NARS2: variants seen among roughly 807,000 people sequenced by gnomAD.
NARS2 encodes asparaginyl-tRNA synthetase 2, mitochondrial, also known as asparaginyl-tRNA synthetase.
A neutral mutation model predicts 62.9 loss-of-function variants in NARS2; 60 were observed. The ratio of observed to expected loss-of-function variants is 0.95; its 90% confidence interval spans 0.77 to 1.18. The LOEUF (loss-of-function observed/expected upper bound fraction) is 1.18. Among genes scored for constraint, NARS2 ranks in the 50% most tolerant of loss-of-function variants. The pLI, the probability that NARS2 is intolerant of heterozygous loss-of-function variation, is 0.00. For missense variants in NARS2, 619 were observed against 576.4 expected, an observed-to-expected ratio of 1.07 and a Z score of -0.76; for synonymous variants, 196 against 200.0, an observed-to-expected ratio of 0.98 and a Z score of 0.17.
chr11:78,513,780 C>T (rs1253728426), intron 6 of NARS2, among the ~76,000 whole-genome samples: 1 of 152,130 alleles, frequency 6.6e-6, no homozygotes, highest in African/African-American at 2.4e-5. Flanking sequence ...TATAGTTGGG[C>T]TACCTGTCTC....
intron 11 of NARS2, among the ~76,000 whole-genome samples, chr11:78,464,933 C>T (rs1261875362): frequency 2.6e-5 from 4 of 152,272 alleles, no homozygotes; most frequent in African/African-American, 4.8e-5. Flanking sequence ...ACTGGGGCTG[C>T]AGGTGGACCT....
At chr11:78,515,526 ATTTCT>A (rs1190057361) in intron 6 of NARS2, among the ~76,000 whole-genome samples, 1 of 152,052 alleles carries the variant, frequency 6.6e-6, no homozygotes, top group Non-Finnish European at 1.5e-5. Flanking sequence ...GTTTACTTTT[ATTTCT>A]TTTAAGAGAC....
chr11:78,516,816 G>T (rs1860929107), intron 6 of NARS2, among the ~76,000 whole-genome samples: 1 of 152,068 alleles, frequency 6.6e-6, no homozygotes. Context: ...TCTTTATTTT[G>T]TATTAATAGT....
At chr11:78,540,409 G>C (rs1463402902) in intron 5 of NARS2, among the ~76,000 whole-genome samples, 2 of 152,206 alleles carry the variant, frequency 1.3e-5, no homozygotes, top group African/African-American at 2.4e-5. Flanking sequence ...CTGTCTCCAT[G>C]TAAAATATAT....
intron 5 of NARS2, among the ~76,000 whole-genome samples, chr11:78,530,735 G>A (rs748967610): frequency 6.6e-6 from 1 of 152,172 alleles, no homozygotes; most frequent in Non-Finnish European, 1.5e-5. Context: ...CCAAAGTGCT[G>A]AGATTACAGG....
chr11:78,509,779 A>T (rs1214821538), intron 6 of NARS2, among the ~76,000 whole-genome samples: 1 of 148,748 alleles, frequency 6.7e-6, no homozygotes, highest in Non-Finnish European at 1.5e-5. Context: ...GTAAGCTGGG[A>T]TCGTGCCACT....
chr11:78,510,500 AAC>A (rs1860680369), intron 6 of NARS2, among the ~76,000 whole-genome samples: 1 of 152,218 alleles, frequency 6.6e-6, no homozygotes, highest in African/African-American at 2.4e-5. Flanking sequence ...GAAGGGAAAA[AAC>A]AGTTTTACAA....
intron 2 of NARS2, among the ~76,000 whole-genome samples, chr11:78,570,311 G>A (rs931614391): frequency 1.3e-5 from 2 of 152,112 alleles, no homozygotes; most frequent in African/African-American, 4.8e-5. Context: ...ACAATCCCCG[G>A]AATAGCAAAG....
intron 10 of NARS2, among the ~76,000 whole-genome samples, chr11:78,467,694 T>C (rs1858681748): frequency 6.6e-6 from 1 of 152,138 alleles, no homozygotes; most frequent in Admixed American, 6.5e-5. Flanking sequence ...TCAAAGTGTA[T>C]ACACTTTCAG....
At chr11:78,537,491 G>A (rs1040263345) in intron 5 of NARS2, among the ~76,000 whole-genome samples, 1 of 152,170 alleles carries the variant, frequency 6.6e-6, no homozygotes, top group African/African-American at 2.4e-5. Flanking sequence ...TTCAGAATTA[G>A]ATGATAAAAC....
At chr11:78,529,226 G>A (rs1861397856) in intron 5 of NARS2, among the ~76,000 whole-genome samples, 1 of 152,072 alleles carries the variant, frequency 6.6e-6, no homozygotes, top group African/African-American at 2.4e-5. Flanking sequence ...TGATTAAGAG[G>A]CAATCTAAGG....
In NARS2 at chr11:78,574,805, C is replaced by G. The variant is rs1050750906; in HGVS notation, c.-317G>C. On this transcript the variant is annotated 5_prime_UTR_variant, in exon 1 of 14. Transcript: ENST00000281038. The stretch of plus-strand genomic sequence containing the variant: ...GTAAACCTACGAACAGAACCCGGGC[C>G]GCAACACGCGCAACCACTCCTACCA... 3.3e-6 allele frequency: 1 copy of G among 300,054 alleles called. No individual in the cohort carries two copies. Among genetic ancestry groups the G allele is most frequent in the South Asian group, 5.3e-5 (1 of 19,022 alleles). 18.6% of individuals were successfully genotyped at this position (300,054 alleles called of 1,614,324 possible).
chr11:78,547,412 A>C lies in NARS2; in HGVS notation c.594+12127T>G, dbSNP rs1267570485. On this transcript the variant is annotated intron_variant, in intron 5 of 13. Transcript: ENST00000281038. ...CATGTAACAGGAAAAAAAAATAGCC[A>C]ATGAATTCTCCATCAGTAAAAGAAT... Among the ~76,000 whole-genome samples, 3 of 152,364 alleles carry C rather than the reference A, an allele frequency of 2.0e-5. No individual in the cohort carries two copies. The East Asian group carries it at 5.8e-4, about 29-fold the overall frequency.
At chr11:78,563,851 A>AAAAAATATAT (rs1404770578) in intron 4 of NARS2, among the ~76,000 whole-genome samples, 3 of 34,024 alleles carry the variant, frequency 8.8e-5, no homozygotes, top group African/African-American at 2.8e-4. Flanking sequence ...AAAAAAAAAA[A>AAAAAATATAT]ATATATATAT....
intron 11 of NARS2, among the ~76,000 whole-genome samples, chr11:78,455,751 G>A (rs1399494347): frequency 6.6e-6 from 1 of 152,000 alleles, no homozygotes; most frequent in East Asian, 1.9e-4. Flanking sequence ...CATATATGCT[G>A]TATTTCTGCC....
intron 5 of NARS2, among the ~76,000 whole-genome samples, chr11:78,532,274 TTA>T (rs1396863958): frequency 2.0e-5 from 3 of 152,234 alleles, no homozygotes; most frequent in Admixed American, 1.3e-4. Context: ...ACTGATGAAT[TTA>T]TATATGTTAA....
chr11:78,485,281 T>C (rs924044942), intron 7 of NARS2, among the ~76,000 whole-genome samples: 2 of 151,882 alleles, frequency 1.3e-5, no homozygotes, highest in African/African-American at 2.4e-5. Flanking sequence ...AAATACCTAA[T>C]GCATGTGGGG....
chr11:78,574,213 C>T, intron 1 of NARS2, 135 bp downstream of exon 1: 1 of 1,107,458 alleles, frequency 9.0e-7, no homozygotes, highest in Middle Eastern at 2.1e-4. Context: ...AAAGTGCAAA[C>T]CCGCGACGCC....
rs578258724 is a variant in NARS2 at position 78,545,482 on chromosome 11, G to C, written c.594+14057C>G. 3.5e-4 allele frequency among the ~76,000 whole-genome samples: 53 copies of C among 149,804 alleles called. No homozygotes were observed. In the South Asian group the frequency reaches 0.011, roughly 31 times the overall value. ...TTCTGACTGAAATGTTCTTTCCCAGGTATCAACATTACTTACTCCCATATG... is the reference window on the plus strand; with the variant it reads ...TTCTGACTGAAATGTTCTTTCCCAGCTATCAACATTACTTACTCCCATATG... On this transcript the variant is annotated intron_variant, in intron 5 of 13. Transcript: ENST00000281038.
Sources: allele counts gnomAD v4.1 joint callset (sites outside exome capture counted in the v4.1 genomes callset), GRCh38; gene constraint gnomAD v4.1.1; transcripts MANE v1.5; gene names NCBI Gene and HGNC (gene_info 2026-07-23, HGNC 2026-07-21).